The following CEP85L variants were observed in gnomAD, a reference collection of about 807,000 sequenced individuals.
CEP85L encodes the protein centrosomal protein of 85 kDa-like.
CEP85L carries 60 observed loss-of-function variants against 100.3 expected under a neutral mutation model. The ratio of observed to expected loss-of-function variants is 0.60; its 90% CI spans 0.49 to 0.74. The LOEUF (loss-of-function observed/expected upper bound fraction) is 0.74, where lower values mean the gene tolerates loss of function less well. Ranked by LOEUF, CEP85L falls within the 30% of genes least tolerant of loss-of-function variation. CEP85L has a pLI of 0.00. For missense variants in CEP85L, 973 were observed against 936.2 expected (o/e 1.04, Z -0.51); for synonymous variants, 319 against 322.7 (o/e 0.99, Z 0.12).
chr6:118,641,814 T>C (rs879680313), intron 1 of CEP85L, among the ~76,000 whole-genome samples: 5 of 122,436 alleles, frequency 4.1e-5, no homozygotes, highest in Non-Finnish European at 5.3e-5. Context: ...CACTTCAACA[T>C]TCCTTTTGCA....
intron 1 of CEP85L, among the ~76,000 whole-genome samples, chr6:118,635,812 A>C (rs1229052780): frequency 6.6e-6 from 1 of 152,182 alleles, no homozygotes; most frequent in Non-Finnish European, 1.5e-5. Flanking sequence ...ATTAAAAGGC[A>C]ATAATCATTC....
intron 2 of CEP85L, among the ~76,000 whole-genome samples, chr6:118,598,430 G>T (rs35962656): frequency 0.47 from 70,786 of 152,036 alleles, 16,988 homozygotes; most frequent in Middle Eastern, 0.57. Context: ...GGTCTTTGCA[G>T]ATGTAATCCG....
chr6:118,495,928 T>C (rs1774890012), intron 5 of CEP85L, among the ~76,000 whole-genome samples: 1 of 152,224 alleles, frequency 6.6e-6, no homozygotes, highest in South Asian at 2.1e-4. Context: ...TGATATATTT[T>C]CAGAAGGATG....
intron 1 of CEP85L, among the ~76,000 whole-genome samples, chr6:118,677,901 T>C (rs188146059): frequency 5.4e-4 from 83 of 152,324 alleles, no homozygotes; most frequent in Non-Finnish European, 9.6e-4. Flanking sequence ...TATAAATGTT[T>C]CTTGGTTGGA....
chr6:118,672,140 G>T (rs181933946), intron 1 of CEP85L, among the ~76,000 whole-genome samples: 1 of 152,062 alleles, frequency 6.6e-6, no homozygotes, highest in Non-Finnish European at 1.5e-5. Flanking sequence ...GGGCTCAAGC[G>T]ATTCTCCTGC....
intron 6 of CEP85L, among the ~76,000 whole-genome samples, chr6:118,488,592 G>A (rs904974098): frequency 2.6e-5 from 4 of 152,084 alleles, no homozygotes; most frequent in Admixed American, 2.6e-4. Context: ...AAAAAAGGAA[G>A]GGGGAGAAAG....
chr6:118,497,677 C>T (rs1350198020), intron 5 of CEP85L, among the ~76,000 whole-genome samples: 1 of 152,184 alleles, frequency 6.6e-6, no homozygotes, highest in East Asian at 1.9e-4. Flanking sequence ...AAGAGAAAGA[C>T]TTCCACAGAC....
chr6:118,473,752 G>C (rs1165961102), intron 10 of CEP85L, among the ~76,000 whole-genome samples: 1 of 152,122 alleles, frequency 6.6e-6, no homozygotes, highest in Non-Finnish European at 1.5e-5. Context: ...GAGGCAAGGA[G>C]AAGAGGTCAG....
chr6:118,501,551 A>T (rs1298382718), intron 5 of CEP85L: 1 of 514,414 alleles, frequency 1.9e-6, no homozygotes, highest in East Asian at 5.0e-5. Flanking sequence ...CAGCAACATG[A>T]AAGAAGAGAT....
chr6:118,616,973 G>T (rs1773099823), intron 2 of CEP85L, among the ~76,000 whole-genome samples: 3 of 151,086 alleles, frequency 2.0e-5, no homozygotes, highest in Non-Finnish European at 4.4e-5. Context: ...AGGTAGGAGG[G>T]GATCACTTGA....
At chr6:118,504,818 G>A (rs951821600) in intron 5 of CEP85L, among the ~76,000 whole-genome samples, 3 of 152,176 alleles carry the variant, frequency 2.0e-5, no homozygotes, top group Non-Finnish European at 4.4e-5. Flanking sequence ...GATTAAATTA[G>A]AAGACAGACA....
intron 4 of CEP85L, among the ~76,000 whole-genome samples, chr6:118,520,594 G>A (rs1776605201): frequency 6.6e-6 from 1 of 151,936 alleles, no homozygotes; most frequent in Non-Finnish European, 1.5e-5. Flanking sequence ...TATAATTATT[G>A]TTTATTATAG....
intron 1 of CEP85L, among the ~76,000 whole-genome samples, chr6:118,670,999 G>A (rs1324951090): frequency 1.3e-5 from 2 of 151,790 alleles, no homozygotes; most frequent in African/African-American, 2.4e-5. Flanking sequence ...ATTGAGAAAC[G>A]ATTCCTGTGA....
At position 118,682,771 on chromosome 6, in the gene CEP85L, G is replaced by GCACACACA. The variant is rs201043236; in HGVS notation, c.-28+27257_-28+27264dup. On this transcript the variant is annotated intron_variant, in intron 1 of 13. Transcript: ENST00000368488. ...GAAATATGCATGCATGCCTGAGCATGCACACACACACACACACACACACAC... is the reference window on the plus strand; with the variant it reads ...GAAATATGCATGCATGCCTGAGCATGCACACACACACACACACACACACACACACACAC... 7.0e-3 allele frequency among the ~76,000 whole-genome samples: 963 copies of GCACACACA among 138,224 alleles called. 7 individuals carry two copies. The highest frequency in any genetic ancestry group is 0.024 in the African/African-American group (908 of 38,176). The allele number at this position is 138,224 out of a possible 152,430, so 90.7% of individuals were successfully genotyped here. A position where few individuals can be genotyped will look rare whatever the true frequency, so the allele number is the denominator to read the frequency against.
At chr6:118,602,195 G>A (rs970411863) in intron 2 of CEP85L, among the ~76,000 whole-genome samples, 1 of 152,122 alleles carries the variant, frequency 6.6e-6, no homozygotes, top group Admixed American at 6.6e-5. Flanking sequence ...GGGTAGAGAG[G>A]AGCTCAGTCA....
chr6:118,563,657 C>A (rs1375007365), intron 3 of CEP85L, among the ~76,000 whole-genome samples: 2 of 152,098 alleles, frequency 1.3e-5, no homozygotes, highest in Non-Finnish European at 2.9e-5. Context: ...GGCCATGTTG[C>A]CCAGGCTAGT....
chr6:118,514,668 T>A (rs1230226969), intron 4 of CEP85L, among the ~76,000 whole-genome samples: 2 of 152,042 alleles, frequency 1.3e-5, no homozygotes, highest in African/African-American at 4.8e-5. Flanking sequence ...AGGACCTAAC[T>A]ATATACTATC....
chr6:118,556,612 A>G (rs1474455475), intron 3 of CEP85L, among the ~76,000 whole-genome samples: 1 of 152,188 alleles, frequency 6.6e-6, no homozygotes, highest in Non-Finnish European at 1.5e-5. Flanking sequence ...GGAATGGGCT[A>G]ACAGGTTGAG....
rs1779454363 is a variant in CEP85L at position 118,565,632 on chromosome 6, G to C, written c.917C>G (p.Thr306Arg). 6.2e-7 allele frequency: 1 copy of C among 1,614,190 alleles called. No individual in the cohort carries two copies. The highest frequency in any genetic ancestry group is 8.5e-7 in the Non-Finnish European group (1 of 1,180,030). ...TQMWLTEQLR[T>R]NPLEGRNTED... is the part of the protein sequence containing the mutation. ...TGTATTTCTACCTTCCAAAGGATTT[G>C]TCCGCAGCTGCTCTGTAAGCCACAT... The change falls in exon 3 of 13, where the codon ACA becomes AGA. Residue 306 changes from threonine (T) to arginine (R), a missense_variant. Thr to Arg is a moderately conservative substitution (Grantham distance 71). Around this residue, in one of 3 missense-constraint regions of CEP85L, gnomAD observed 890 missense variants for 844.5 expected, o/e 1.05. Transcript: ENST00000368491.
Sources: allele counts gnomAD v4.1 joint callset (sites outside exome capture counted in the v4.1 genomes callset), GRCh38; gene constraint gnomAD v4.1.1; regional missense constraint gnomAD v4.1.1; transcripts MANE v1.5; gene names NCBI Gene and HGNC (gene_info 2026-07-23, HGNC 2026-07-21).